The following CALCRL variants were observed in gnomAD, a reference collection of about 807,000 sequenced individuals.
CALCRL encodes calcitonin gene-related peptide type 1 receptor.
CALCRL carries 27 observed loss-of-function variants against 60.4 expected under a neutral mutation model. That is an observed-to-expected ratio of 0.45 (90% CI 0.33 to 0.62). CALCRL has a LOEUF of 0.62. Among genes scored for constraint, CALCRL ranks in the 20% least tolerant of loss-of-function variants. The pLI is 0.03. For synonymous variants in CALCRL, 190 were observed against 182.6 expected, an observed-to-expected ratio of 1.04 and a Z score of -0.33; for missense variants, 424 against 540.7, an observed-to-expected ratio of 0.78 and a Z score of 2.14.
At chr2:187,362,952 A>G (rs1410573023) in intron 9 of CALCRL, among the ~76,000 whole-genome samples, 3 of 152,142 alleles carry the variant, frequency 2.0e-5, no homozygotes, top group Admixed American at 6.6e-5. Context: ...TATTTTTCGA[A>G]TTACGCAGAG....
At chr2:187,413,839 T>G (rs1559068689) in intron 1 of CALCRL, among the ~76,000 whole-genome samples, 2 of 152,124 alleles carry the variant, frequency 1.3e-5, no homozygotes, top group African/African-American at 2.4e-5. Flanking sequence ...GAAATTTGCT[T>G]CTAATTATGG....
At chr2:187,385,904 C>T (rs942638725) in intron 3 of CALCRL, among the ~76,000 whole-genome samples, 1 of 152,078 alleles carries the variant, frequency 6.6e-6, no homozygotes, top group African/African-American at 2.4e-5. Context: ...TGAGCGCCAC[C>T]ACACCCAGCT....
chr2:187,384,611 T>C (rs1268933201), intron 4 of CALCRL, among the ~76,000 whole-genome samples: 1 of 152,180 alleles, frequency 6.6e-6, no homozygotes. Context: ...CTTGGAAATA[T>C]TTGCTCCTAG....
At chr2:187,442,070 T>TTATATATATATA (rs370387256) in intron 1 of CALCRL, 5 of 127,380 alleles carry the variant, frequency 3.9e-5, no homozygotes, top group African/African-American at 9.1e-5. Context: ...CTTAAAAACA[T>TTATATATATATA]TATATATATA....
chr2:187,399,993 T>G (rs1688817217), intron 1 of CALCRL, among the ~76,000 whole-genome samples: 1 of 151,520 alleles, frequency 6.6e-6, no homozygotes, highest in Middle Eastern at 3.4e-3. Flanking sequence ...AATACAAAAT[T>G]ACAGCTAGAT....
chr2:187,390,686 A>T (rs923751181), intron 1 of CALCRL, among the ~76,000 whole-genome samples: 5 of 152,168 alleles, frequency 3.3e-5, no homozygotes, highest in African/African-American at 1.2e-4. Context: ...TTCCACTTTT[A>T]TAGCTTTCCT....
At chr2:187,360,394 T>C (rs1205282886) in intron 10 of CALCRL, among the ~76,000 whole-genome samples, 3 of 152,078 alleles carry the variant, frequency 2.0e-5, no homozygotes, top group Non-Finnish European at 4.4e-5. Context: ...CTATTATATA[T>C]TGACTTGTGA....
chr2:187,382,837 A>G (rs565264369), intron 5 of CALCRL, among the ~76,000 whole-genome samples: 20 of 152,270 alleles, frequency 1.3e-4, no homozygotes, highest in African/African-American at 4.8e-4. Context: ...AGGTTGTTAA[A>G]AAAAAAAGAA....
intron 1 of CALCRL, among the ~76,000 whole-genome samples, chr2:187,437,697 T>C (rs907715236): frequency 1.3e-5 from 2 of 152,176 alleles, no homozygotes; most frequent in Admixed American, 6.6e-5. Flanking sequence ...ATCAAAAATA[T>C]GTTGTTTGAT....
At chr2:187,400,430 T>A (rs1462280448) in intron 1 of CALCRL, among the ~76,000 whole-genome samples, 1 of 151,518 alleles carries the variant, frequency 6.6e-6, no homozygotes, top group Admixed American at 6.6e-5. Context: ...ATATATTGCT[T>A]ATAGGAATGT....
intron 12 of CALCRL, 72 bp downstream of exon 12, chr2:187,358,991 C>A (rs1372961461): frequency 1.1e-5 from 14 of 1,233,474 alleles, no homozygotes; most frequent in East Asian, 4.6e-5. Flanking sequence ...CTGAAGGATA[C>A]CATAGGCCAG....
At chr2:187,415,897 C>G in intron 1 of CALCRL, 1 of 266,440 alleles carries the variant, frequency 3.8e-6, no homozygotes, top group Non-Finnish European at 7.1e-6. Flanking sequence ...GAGAGAGGAC[C>G]TCATTGCTGG....
At chr2:187,351,895 G>T (rs1352177816) in intron 14 of CALCRL, 25 bp downstream of exon 14, 1 of 1,404,240 alleles carries the variant, frequency 7.1e-7, no homozygotes, top group Non-Finnish European at 1.0e-6. Flanking sequence ...TAAAATAATA[G>T]AAGGAATAAA....
intron 12 of CALCRL, among the ~76,000 whole-genome samples, 166 bp downstream of exon 12, chr2:187,358,897 G>A (rs1001113211): frequency 2.0e-5 from 3 of 152,148 alleles, no homozygotes; most frequent in South Asian, 4.1e-4. Flanking sequence ...CCTTTCCTGC[G>A]CATACATCAG....
intron 1 of CALCRL, among the ~76,000 whole-genome samples, chr2:187,401,267 CCTT>C (rs1444182117): frequency 6.6e-6 from 1 of 151,596 alleles, no homozygotes; most frequent in Non-Finnish European, 1.5e-5. Flanking sequence ...ACCTCTCCTG[CCTT>C]CTTTAGTTAA....
intron 8 of CALCRL, among the ~76,000 whole-genome samples, chr2:187,374,775 A>G (rs549164282): frequency 6.6e-6 from 1 of 152,258 alleles, no homozygotes; most frequent in South Asian, 2.1e-4. Context: ...CTTACTACTC[A>G]TTGACGGGCT....
rs185155466 is a variant in CALCRL, at chr2:187,342,206, T to C, written c.*3978A>G. Among the ~76,000 whole-genome samples, 2 of 151,892 alleles carry C rather than the reference T, an allele frequency of 1.3e-5. No individual in the cohort carries two copies. Among genetic ancestry groups the C allele is most frequent in the Admixed American group, 6.6e-5 (1 of 15,234 alleles). Reference sequence around the variant, plus strand: ...AATAGGGAAATCTGTTGAGACAGAATGTAAATTAGTGATGTTTATAGCTGA... The same window carrying C: ...AATAGGGAAATCTGTTGAGACAGAACGTAAATTAGTGATGTTTATAGCTGA... On this transcript the variant is annotated 3_prime_UTR_variant, in exon 15 of 15. Coordinates refer to ENST00000392370, the MANE Select transcript of CALCRL (RefSeq NM_005795.6).
intron 1 of CALCRL, among the ~76,000 whole-genome samples, chr2:187,407,896 C>T (rs534266850): frequency 3.0e-4 from 46 of 152,216 alleles, no homozygotes; most frequent in Middle Eastern, 3.4e-3. Flanking sequence ...GATTCTAAGA[C>T]TTGTTTTGCA....
chr2:187,378,991 C>G lies in CALCRL; in HGVS notation c.449G>C (p.Gly150Ala), dbSNP rs1201343934. The G allele has an allele frequency of 6.2e-7, 1 of 1,607,978 alleles. No individual in the cohort carries two copies. The change falls in exon 8 of 15, where the codon GGA becomes GCA. Residue 150 changes from glycine (G) to alanine (A), a missense_variant. Coordinates refer to ENST00000392370, the MANE Select transcript of CALCRL (RefSeq NM_005795.6). ...NLFYLTIIGH[G>A]LSIASLLISL... ...GATAAGCAGTGATGCAATAGACAAT[C>G]CGTGTCCAATTATGGTCAGGTAAAA...
Sources: allele counts gnomAD v4.1 joint callset (sites outside exome capture counted in the v4.1 genomes callset), GRCh38; gene constraint gnomAD v4.1.1; transcripts MANE v1.5; gene names NCBI Gene and HGNC (gene_info 2026-07-23, HGNC 2026-07-21).